The following A1CF variants were observed in gnomAD, a reference collection of about 807,000 sequenced individuals.
A1CF encodes the protein APOBEC-1 stimulating protein.
In A1CF, 48 loss-of-function variants were observed where a neutral mutation model predicts 68.9. The ratio of observed to expected loss-of-function variants is 0.70; its 90% CI spans 0.55 to 0.89. The LOEUF (loss-of-function observed/expected upper bound fraction) is 0.89, where lower values mean the gene tolerates loss of function less well. Ranked by LOEUF, A1CF falls within the 40% of genes least tolerant of loss-of-function variation. A1CF has a pLI of 0.00. For missense variants in A1CF, 653 were observed against 718.9 expected (o/e 0.91, Z 1.05); for synonymous variants, 272 against 260.4 (o/e 1.04, Z -0.43).
intron 1 of A1CF, among the ~76,000 whole-genome samples, chr10:50,880,078 G>A (rs1390156368): frequency 6.6e-6 from 1 of 152,190 alleles, no homozygotes; most frequent in Non-Finnish European, 1.5e-5. Context: ...GAGGGTTCAG[G>A]TTCTGCTCTT....
At chr10:50,811,532 C>T (rs193042606) in intron 10 of A1CF, among the ~76,000 whole-genome samples, 159 of 152,284 alleles carry the variant, frequency 1.0e-3, no homozygotes, top group African/African-American at 3.5e-3. Context: ...TAGATTTACT[C>T]ATTATTACTC....
chr10:50,807,218 T>C (rs1837874315), intron 12 of A1CF, among the ~76,000 whole-genome samples: 1 of 152,104 alleles, frequency 6.6e-6, no homozygotes, highest in Non-Finnish European at 1.5e-5. Flanking sequence ...TTTTAGCGTT[T>C]TGAGGGTCTC....
rs370852039 is a variant in A1CF at position 50,870,362 on chromosome 10, G to C, written c.-93-6282C>G. Among the ~76,000 whole-genome samples, 53 of 151,950 alleles carry C rather than the reference G, an allele frequency of 3.5e-4. 2 individuals carry two copies. In the South Asian group the frequency reaches 1.0e-2, roughly 29 times the overall value. ...ATTAATAAAACAAATTTGTAGACTT[G>C]ATAAATGTATGTAACAGCTGAGTGT... On this transcript the variant is annotated intron_variant, in intron 1 of 12. Coordinates refer to ENST00000373997, the MANE Select transcript of A1CF (RefSeq NM_014576.4).
chr10:50,845,139 TG>T (rs1345677731), intron 3 of A1CF, among the ~76,000 whole-genome samples: 2 of 152,182 alleles, frequency 1.3e-5, no homozygotes, highest in Admixed American at 1.3e-4. Context: ...TTCAAACAAC[TG>T]AGTATTTTTA....
chr10:50,846,842 CTG>C (rs1403202616), intron 3 of A1CF, among the ~76,000 whole-genome samples: 2 of 152,032 alleles, frequency 1.3e-5, no homozygotes, highest in Non-Finnish European at 1.5e-5. Context: ...TTTTTTGAGA[CTG>C]TAAAGAGTCT....
intron 6 of A1CF, among the ~76,000 whole-genome samples, chr10:50,832,875 T>C (rs549666127): frequency 1.3e-5 from 2 of 152,322 alleles, no homozygotes; most frequent in African/African-American, 4.8e-5. Flanking sequence ...ATGTTTTTTT[T>C]TTTATTTTTA....
chr10:50,884,777 G>A (rs1013197297), intron 1 of A1CF, among the ~76,000 whole-genome samples: 7 of 152,198 alleles, frequency 4.6e-5, no homozygotes, highest in African/African-American at 1.7e-4. Flanking sequence ...AAAAGTCAGA[G>A]AGTTTAGGGG....
At chr10:50,844,584 A>G (rs553508526) in intron 3 of A1CF, among the ~76,000 whole-genome samples, 37 of 152,170 alleles carry the variant, frequency 2.4e-4, no homozygotes, top group Admixed American at 4.6e-4. Context: ...CTGCAGTGCT[A>G]TAGAACAATA....
intron 6 of A1CF, among the ~76,000 whole-genome samples, chr10:50,835,617 TAGAC>T (rs1839450740): frequency 6.6e-6 from 1 of 152,144 alleles, no homozygotes; most frequent in African/African-American, 2.4e-5. Context: ...TCTCTCAAAT[TAGAC>T]AGAAATTATT....
At chr10:50,820,929 G>A (rs1364044114) in intron 7 of A1CF, among the ~76,000 whole-genome samples, 2 of 152,054 alleles carry the variant, frequency 1.3e-5, no homozygotes, top group Non-Finnish European at 2.9e-5. Flanking sequence ...TGCATTTTAT[G>A]TAATGTAAAA....
At chr10:50,857,345 T>C (rs1226343382) in intron 3 of A1CF, among the ~76,000 whole-genome samples, 1 of 152,180 alleles carries the variant, frequency 6.6e-6, no homozygotes, top group Non-Finnish European at 1.5e-5. Flanking sequence ...TTTTGAAATA[T>C]GTAATAAATT....
intron 7 of A1CF, among the ~76,000 whole-genome samples, chr10:50,821,660 C>G (rs200267175): frequency 6.6e-6 from 1 of 152,016 alleles, no homozygotes; most frequent in Non-Finnish European, 1.5e-5. Flanking sequence ...CTCAGCCTCC[C>G]GAGTAGCTGG....
intron 5 of A1CF, among the ~76,000 whole-genome samples, chr10:50,839,182 T>A (rs1839658648): frequency 6.6e-6 from 1 of 152,224 alleles, no homozygotes; most frequent in Non-Finnish European, 1.5e-5. Flanking sequence ...TATTCATTAT[T>A]CATATCCTAT....
intron 5 of A1CF, among the ~76,000 whole-genome samples, chr10:50,841,371 T>C (rs1467247369): frequency 1.3e-5 from 2 of 152,208 alleles, no homozygotes; most frequent in African/African-American, 4.8e-5. Context: ...TTTCCTGAAA[T>C]AACCTTCCCA....
chr10:50,825,015 C>A (rs10994621), intron 7 of A1CF, among the ~76,000 whole-genome samples: 1 of 152,128 alleles, frequency 6.6e-6, no homozygotes, highest in South Asian at 2.1e-4. Flanking sequence ...CACCCTCACA[C>A]TAATATTTCA....
chr10:50,860,868 A>C (rs1840712094), intron 2 of A1CF, among the ~76,000 whole-genome samples: 1 of 152,170 alleles, frequency 6.6e-6, no homozygotes, highest in African/African-American at 2.4e-5. Flanking sequence ...AAGTTCCCAC[A>C]TACACAGAGG....
At chr10:50,849,132 A>T (rs551750967) in intron 3 of A1CF, among the ~76,000 whole-genome samples, 2 of 152,222 alleles carry the variant, frequency 1.3e-5, no homozygotes, top group South Asian at 4.2e-4. Flanking sequence ...TACCAACAGG[A>T]TCCTCTTCAA....
At chr10:50,879,745 G>A (rs548822091) in intron 1 of A1CF, among the ~76,000 whole-genome samples, 1 of 152,238 alleles carries the variant, frequency 6.6e-6, no homozygotes, top group East Asian at 1.9e-4. Context: ...CTTTCCTTCA[G>A]GCCTAAGGAT....
chr10:50,806,587 G>T lies in A1CF; in HGVS notation c.*142C>A. 3.4e-6 allele frequency: 2 copies of T among 594,758 alleles called. No individual in the cohort carries two copies. Among genetic ancestry groups the T allele is most frequent in the Non-Finnish European group, 5.1e-6 (2 of 390,706 alleles). 36.8% of individuals were successfully genotyped at this position (594,758 alleles called of 1,614,324 possible). ...TTCTTACTTCATGATTCTATAATTG[G>T]TATAAGCTATACAGTCTCTGGAAAG... On this transcript the variant is annotated 3_prime_UTR_variant, in exon 13 of 13. Transcript: ENST00000373997.
Sources: gnomAD v4.1 joint callset for allele counts (sites outside exome capture counted in the v4.1 genomes callset) on GRCh38, gnomAD v4.1.1 for gene constraint, MANE v1.5 for transcripts, NCBI Gene and HGNC (gene_info 2026-07-23, HGNC 2026-07-21) for gene names.